Variants in AFF3 observed in about 807,000 individuals in gnomAD.
AFF3 encodes ALF transcription elongation factor 3.
A neutral mutation model predicts 129.7 loss-of-function variants in AFF3; 32 were observed. The observed-to-expected ratio is 0.25, with a 90% CI of 0.19 to 0.33. The LOEUF (loss-of-function observed/expected upper bound fraction) is 0.33. Among genes scored for constraint, AFF3 ranks in the 10% least tolerant of loss-of-function variants. The probability of loss-of-function intolerance (pLI) is 1.00; values close to 1 mark genes in which losing one functional copy is unlikely to be tolerated. For missense variants in AFF3, 1,373 were observed against 1,592.0 expected, an observed-to-expected ratio of 0.86 and a Z score of 2.34; for synonymous variants, 644 against 635.4, an observed-to-expected ratio of 1.01 and a Z score of -0.20.
chr2:99,838,607 A>G (rs1331528506), intron 7 of AFF3, among the ~76,000 whole-genome samples: 1 of 152,100 alleles, frequency 6.6e-6, no homozygotes, highest in Non-Finnish European at 1.5e-5. Flanking sequence ...CACGACGGCA[A>G]TTCAATAGTG....
At chr2:99,907,563 A>C (rs1479220061) in intron 7 of AFF3, among the ~76,000 whole-genome samples, 1 of 150,806 alleles carries the variant, frequency 6.6e-6, no homozygotes, top group Non-Finnish European at 1.5e-5. Context: ...TTTCTCATTC[A>C]AAGTAGCTAA....
At chr2:99,673,825 G>A (rs1687381586) in intron 11 of AFF3, among the ~76,000 whole-genome samples, 1 of 152,186 alleles carries the variant, frequency 6.6e-6, no homozygotes, top group Non-Finnish European at 1.5e-5. Context: ...GAACTGGCAG[G>A]ATAAGGCATG....
At chr2:99,664,557 A>G (rs1164503219) in intron 12 of AFF3, among the ~76,000 whole-genome samples, 1 of 152,242 alleles carries the variant, frequency 6.6e-6, no homozygotes, top group Non-Finnish European at 1.5e-5. Flanking sequence ...TTTGTGTATT[A>G]ATCTATAGCC....
chr2:99,572,722 G>A (rs1676619352), intron 18 of AFF3: 1 of 442,392 alleles, frequency 2.3e-6, no homozygotes, highest in East Asian at 7.1e-5. Flanking sequence ...CCCAAGCTTT[G>A]AGGAGAATGC....
chr2:99,559,268 C>T (rs967469336), intron 21 of AFF3, among the ~76,000 whole-genome samples: 5 of 152,244 alleles, frequency 3.3e-5, no homozygotes, highest in Non-Finnish European at 5.9e-5. Flanking sequence ...CACGAGAGGG[C>T]GCTGTCTCTC....
At chr2:100,020,497 A>C (rs972167304) in intron 4 of AFF3, among the ~76,000 whole-genome samples, 1 of 152,020 alleles carries the variant, frequency 6.6e-6, no homozygotes. Flanking sequence ...GGCCTTCTCA[A>C]GTCAGGTTTC....
chr2:99,728,406 T>G (rs140224416), intron 10 of AFF3, among the ~76,000 whole-genome samples: 1 of 152,316 alleles, frequency 6.6e-6, no homozygotes, highest in East Asian at 1.9e-4. Context: ...CTCACGTCCT[T>G]GGGCCCACAC....
chr2:100,037,418 TTATATATAAA>T (rs1420280642), intron 4 of AFF3, among the ~76,000 whole-genome samples: 1 of 134,806 alleles, frequency 7.4e-6, no homozygotes, highest in Non-Finnish European at 1.5e-5. Flanking sequence ...ATTTATTTAT[TTATATATAAA>T]TATATATTTA....
intron 16 of AFF3, among the ~76,000 whole-genome samples, chr2:99,585,995 C>T (rs563173622): frequency 1.2e-4 from 19 of 152,314 alleles, no homozygotes; most frequent in African/African-American, 4.3e-4. Context: ...TCCCAAAGTG[C>T]TGGGATTACA....
At chr2:99,899,217 C>A (rs550042884) in intron 7 of AFF3, among the ~76,000 whole-genome samples, 1 of 152,168 alleles carries the variant, frequency 6.6e-6, no homozygotes, top group Non-Finnish European at 1.5e-5. Flanking sequence ...CACAAATATA[C>A]ACAAGTTCTT....
intron 11 of AFF3, among the ~76,000 whole-genome samples, chr2:99,710,201 A>G (rs1677770877): frequency 6.6e-6 from 1 of 152,200 alleles, no homozygotes; most frequent in Non-Finnish European, 1.5e-5. Flanking sequence ...TTACACTATT[A>G]CCCTTATTTT....
intron 1 of AFF3, among the ~76,000 whole-genome samples, chr2:100,136,772 C>T (rs1004183927): frequency 1.3e-5 from 2 of 152,040 alleles, no homozygotes; most frequent in African/African-American, 4.8e-5. Context: ...CCTCTCCCTC[C>T]CCAAATGCAT....
intron 11 of AFF3, among the ~76,000 whole-genome samples, chr2:99,722,185 T>C (rs1678951113): frequency 1.3e-5 from 2 of 152,198 alleles, no homozygotes; most frequent in South Asian, 4.1e-4. Context: ...GGACATATTA[T>C]AGTAGTTGCT....
At chr2:100,007,573 A>C in intron 5 of AFF3, 113 bp from the exon 6 acceptor site, 1 of 966,880 alleles carries the variant, frequency 1.0e-6, no homozygotes, top group Non-Finnish European at 1.6e-6. Flanking sequence ...GCAGAATGAG[A>C]GCTGAGAGAT....
chr2:99,645,653 C>T (rs572496655), intron 13 of AFF3, among the ~76,000 whole-genome samples: 23 of 152,004 alleles, frequency 1.5e-4, no homozygotes, highest in Non-Finnish European at 2.8e-4. Flanking sequence ...TTGGGGTGAA[C>T]CATAAATTAA....
At chr2:99,571,572 C>T (rs913984742) in intron 18 of AFF3, among the ~76,000 whole-genome samples, 11 of 152,112 alleles carry the variant, frequency 7.2e-5, no homozygotes, top group Non-Finnish European at 1.3e-4. Context: ...ATTTTCTGAC[C>T]GTATCAGAGC....
chr2:99,885,213 C>T (rs746548966), intron 7 of AFF3, among the ~76,000 whole-genome samples: 2 of 152,206 alleles, frequency 1.3e-5, no homozygotes, highest in Non-Finnish European at 2.9e-5. Context: ...TCTGCTCATC[C>T]ATCCCACCTG....
At chr2:99,695,520 G>GA (rs1021624221) in intron 11 of AFF3, among the ~76,000 whole-genome samples, 1 of 152,060 alleles carries the variant, frequency 6.6e-6, no homozygotes, top group African/African-American at 2.4e-5. Context: ...AACTGCAGGG[G>GA]AAAAAAATCT....
chr2:99,849,761 G>A (rs886262517), intron 7 of AFF3, among the ~76,000 whole-genome samples: 6 of 152,156 alleles, frequency 3.9e-5, no homozygotes, highest in Admixed American at 6.5e-5. Flanking sequence ...ATTCTCCTCT[G>A]GTTTTTAAAT....
Sources: gnomAD v4.1 joint callset for allele counts (sites outside exome capture counted in the v4.1 genomes callset) on GRCh38, gnomAD v4.1.1 for gene constraint, MANE v1.5 for transcripts, NCBI Gene and HGNC (gene_info 2026-07-23, HGNC 2026-07-21) for gene names.